Variants in FTCDNL1 observed in about 807,000 individuals in gnomAD.
FTCDNL1 encodes formiminotransferase N-terminal subdomain-containing protein.
A neutral mutation model predicts 5.9 loss-of-function variants in FTCDNL1; 11 were observed. The ratio of observed to expected loss-of-function variants is 1.87; its 90% CI spans 1.18 to 3.10. The LOEUF is 3.10. Ranked by LOEUF, FTCDNL1 falls within the 30% of genes most tolerant of loss-of-function variation. The pLI is 0.00. For synonymous variants in FTCDNL1, 58 were observed against 24.8 expected (o/e 2.34, Z -3.99); for missense variants, 115 against 65.5 (o/e 1.76, Z -2.61).
chr2:199,832,738 C>T (rs1702454642), intron 3 of FTCDNL1, among the ~76,000 whole-genome samples: 12 of 152,102 alleles, frequency 7.9e-5, no homozygotes, highest in Admixed American at 7.9e-4. Context: ...ACCCCCTCCA[C>T]AAGGCAATGG....
chr2:199,774,618 T>A (rs1319167348), intron 3 of FTCDNL1, among the ~76,000 whole-genome samples: 1 of 152,162 alleles, frequency 6.6e-6, no homozygotes, highest in African/African-American at 2.4e-5. Flanking sequence ...TTTAAGGGTT[T>A]TTTTTAGTGC....
chr2:199,813,167 T>C (rs1174642923), intron 4 of FTCDNL1, among the ~76,000 whole-genome samples: 1 of 152,214 alleles, frequency 6.6e-6, no homozygotes, highest in Non-Finnish European at 1.5e-5. Context: ...TTAAAGATGC[T>C]TGTGGTAGGA....
the FTCDNL1 span, among the ~76,000 whole-genome samples, chr2:199,673,988 A>G: frequency 1.3e-5 from 2 of 152,046 alleles, no homozygotes; most frequent in African/African-American, 4.8e-5. Flanking sequence ...GCCCAAGTCT[A>G]TGGAAATGTA....
chr2:199,734,206 CAA>C, the FTCDNL1 span, among the ~76,000 whole-genome samples: 1 of 152,102 alleles, frequency 6.6e-6, no homozygotes, highest in African/African-American at 2.4e-5. Context: ...GACTCTGAGC[CAA>C]AGAGTCTCTA....
chr2:199,783,811 G>A (rs1370782392), intron 3 of FTCDNL1, among the ~76,000 whole-genome samples: 1 of 151,988 alleles, frequency 6.6e-6, no homozygotes, highest in Admixed American at 6.6e-5. Flanking sequence ...CATGCAGCCA[G>A]GTGTGGTACC....
chr2:199,688,496 G>T, the FTCDNL1 span, among the ~76,000 whole-genome samples: 1 of 151,932 alleles, frequency 6.6e-6, no homozygotes, highest in African/African-American at 2.4e-5. Context: ...CCTGATTCAG[G>T]CTTGGAAACT....
the FTCDNL1 span, among the ~76,000 whole-genome samples, chr2:199,703,238 A>G: frequency 6.8e-6 from 1 of 147,516 alleles, no homozygotes; most frequent in Non-Finnish European, 1.5e-5. Flanking sequence ...CCAGAGTGTG[A>G]TGTTCCGACT....
intron 3 of FTCDNL1, among the ~76,000 whole-genome samples, chr2:199,822,991 C>A (rs1701791694): frequency 6.6e-6 from 1 of 152,166 alleles, no homozygotes; most frequent in South Asian, 2.1e-4. Flanking sequence ...GCTGGGATTA[C>A]AGGTGTGTTC....
chr2:199,783,016 T>C (rs1296392437), intron 3 of FTCDNL1, among the ~76,000 whole-genome samples: 1 of 152,264 alleles, frequency 6.6e-6, no homozygotes, highest in African/African-American at 2.4e-5. Flanking sequence ...TGCCCATCTC[T>C]ACAGATTTCT....
At chr2:199,768,414 C>T (rs889209683) in intron 3 of FTCDNL1, among the ~76,000 whole-genome samples, 1 of 152,124 alleles carries the variant, frequency 6.6e-6, no homozygotes, top group African/African-American at 2.4e-5. Flanking sequence ...TATACTACTA[C>T]ATTTACTACT....
At chr2:199,674,574 C>A in the FTCDNL1 span, among the ~76,000 whole-genome samples, 1 of 152,216 alleles carries the variant, frequency 6.6e-6, no homozygotes. Flanking sequence ...TTTCTGGCCA[C>A]TTTCAGTGGC....
chr2:199,735,767 G>A, the FTCDNL1 span, among the ~76,000 whole-genome samples: 1 of 152,118 alleles, frequency 6.6e-6, no homozygotes, highest in South Asian at 2.1e-4. Flanking sequence ...CAGTGCTCTT[G>A]TCTGCCATAT....
rs2076798519 is a variant in FTCDNL1 at position 199,848,839 on chromosome 2, T to C, written c.115+9A>G. The stretch of plus-strand genomic sequence containing the variant: ...ATAATATTCAGCTTCAATTGTCTGT[T>C]TTTCCTACCATTTTTGTCAAGAAGA... On this transcript the variant is annotated intron_variant, in intron 2 of 4. Coordinates refer to ENST00000420128, the MANE Select transcript of FTCDNL1 (RefSeq NM_001363886.2). The C allele has an allele frequency of 1.4e-6, 1 of 701,632 alleles. No homozygotes were observed. The highest frequency in any genetic ancestry group is 1.5e-5 in the South Asian group (1 of 67,360). The allele number at this position is 701,632 out of a possible 1,614,324, so 43.5% of individuals were successfully genotyped here.
At chr2:199,753,996 C>T in the FTCDNL1 span, among the ~76,000 whole-genome samples, 1 of 152,104 alleles carries the variant, frequency 6.6e-6, no homozygotes, top group African/African-American at 2.4e-5. Context: ...AGATATTGCC[C>T]CTCCAAGACT....
At chr2:199,690,634 A>C in the FTCDNL1 span, among the ~76,000 whole-genome samples, 1 of 152,018 alleles carries the variant, frequency 6.6e-6, no homozygotes, top group Non-Finnish European at 1.5e-5. Context: ...GTTTGCATGC[A>C]CCCCACTCAA....
intron 3 of FTCDNL1, among the ~76,000 whole-genome samples, chr2:199,773,235 A>G (rs1476751122): frequency 6.6e-6 from 1 of 152,164 alleles, no homozygotes; most frequent in Non-Finnish European, 1.5e-5. Context: ...GGGTTTCACT[A>G]GCTATCAGCA....
chr2:199,751,812 A>T, the FTCDNL1 span, among the ~76,000 whole-genome samples: 3 of 152,084 alleles, frequency 2.0e-5, no homozygotes, highest in Non-Finnish European at 4.4e-5. Flanking sequence ...TATTATGTAA[A>T]TTATAAATGT....
At chr2:199,679,538 G>C in the FTCDNL1 span, among the ~76,000 whole-genome samples, 1 of 151,926 alleles carries the variant, frequency 6.6e-6, no homozygotes, top group Non-Finnish European at 1.5e-5. Context: ...GTAATGTCTT[G>C]CTGTTTATTT....
chr2:199,777,305 AAAAG>A (rs1166097883), intron 3 of FTCDNL1, among the ~76,000 whole-genome samples: 4 of 152,154 alleles, frequency 2.6e-5, no homozygotes, highest in Middle Eastern at 3.4e-3. Flanking sequence ...AAAAAAGAAA[AAAAG>A]AAAGAAAGAG....
Sources: gnomAD v4.1 joint callset for allele counts (sites outside exome capture counted in the v4.1 genomes callset) on GRCh38, gnomAD v4.1.1 for gene constraint, MANE v1.5 for transcripts, NCBI Gene and HGNC (gene_info 2026-07-23, HGNC 2026-07-21) for gene names.